The following WNT7A variants were observed in gnomAD, a reference collection of about 807,000 sequenced individuals.
WNT7A encodes the protein protein Wnt-7a.
A neutral mutation model predicts 28.2 loss-of-function variants in WNT7A; 16 were observed. That is an observed-to-expected ratio of 0.57 (90% confidence interval 0.38 to 0.86). The LOEUF is 0.86. Ranked by LOEUF, WNT7A falls within the 40% of genes least tolerant of loss-of-function variation. The probability of loss-of-function intolerance (pLI) is 0.00; values close to 1 mark genes in which losing one functional copy is unlikely to be tolerated. For synonymous variants in WNT7A, 190 were observed against 195.9 expected, an observed-to-expected ratio of 0.97 and a Z score of 0.25; for missense variants, 411 against 489.7, an observed-to-expected ratio of 0.84 and a Z score of 1.52.
At chr3:13,834,078 C>T (rs17038673) in intron 3 of WNT7A, among the ~76,000 whole-genome samples, 3,331 of 152,302 alleles carry the variant, frequency 0.022, 126 homozygotes, top group African/African-American at 0.076. Context: ...TGCTCCCGTT[C>T]CTGTGGTCAC....
intron 3 of WNT7A, among the ~76,000 whole-genome samples, chr3:13,838,591 G>A (rs190321457): frequency 1.3e-5 from 2 of 152,200 alleles, no homozygotes; most frequent in Admixed American, 6.5e-5. Flanking sequence ...GGCAGAGAAC[G>A]GGAGGTACCC....
At chr3:13,840,600 C>T (rs1224572121) in intron 3 of WNT7A, among the ~76,000 whole-genome samples, 5 of 145,490 alleles carry the variant, frequency 3.4e-5, no homozygotes, top group African/African-American at 7.7e-5. Context: ...ATTCATTCAT[C>T]CATCCATCCA....
chr3:13,841,214 C>T (rs1435997903), intron 3 of WNT7A, among the ~76,000 whole-genome samples: 2 of 152,208 alleles, frequency 1.3e-5, no homozygotes, highest in Non-Finnish European at 2.9e-5. Flanking sequence ...TTTTCCTTTT[C>T]CCTTATTTAC....
At chr3:13,863,126 G>C (rs1694856492) in intron 2 of WNT7A, among the ~76,000 whole-genome samples, 1 of 152,174 alleles carries the variant, frequency 6.6e-6, no homozygotes, top group Non-Finnish European at 1.5e-5. Flanking sequence ...GACAAGCTCA[G>C]CCCGCACTTG....
chr3:13,821,780 G>A (rs531283720), intron 3 of WNT7A, among the ~76,000 whole-genome samples: 1 of 152,330 alleles, frequency 6.6e-6, no homozygotes, highest in South Asian at 2.1e-4. Flanking sequence ...CCCAGGGCGG[G>A]GAGGGGCTGT....
chr3:13,840,521 T>C (rs534537124), intron 3 of WNT7A, among the ~76,000 whole-genome samples: 1 of 152,130 alleles, frequency 6.6e-6, no homozygotes, highest in East Asian at 1.9e-4. Context: ...ACTGGGAAAA[T>C]GTCCAACTTT....
chr3:13,858,021 G>C (rs1449574083), intron 2 of WNT7A, among the ~76,000 whole-genome samples: 1 of 152,234 alleles, frequency 6.6e-6, no homozygotes, highest in Non-Finnish European at 1.5e-5. Context: ...AGAGGGCTGA[G>C]AGGTAAGGAG....
chr3:13,851,851 G>A (rs780855051), intron 3 of WNT7A, among the ~76,000 whole-genome samples: 8 of 152,192 alleles, frequency 5.3e-5, no homozygotes, highest in South Asian at 2.1e-4. Flanking sequence ...CGACCTGAGC[G>A]GCCACTGATT....
intron 2 of WNT7A, among the ~76,000 whole-genome samples, chr3:13,872,753 C>A (rs572861034): frequency 4.1e-4 from 63 of 152,176 alleles, no homozygotes; most frequent in Non-Finnish European, 6.8e-4. Context: ...CTTGTCCAGG[C>A]ACTGCCCTGC....
In WNT7A at chr3:13,854,627, C is replaced by T. The variant is rs372712894; in HGVS notation, c.475G>A (p.Gly159Ser). ...ACAAAGACCTTGGCGAAGCCGATGCCGTAGCGGATGTCGGCAGAGCAGCCA... is the reference window on the plus strand; with the variant it reads ...ACAAAGACCTTGGCGAAGCCGATGCTGTAGCGGATGTCGGCAGAGCAGCCA... ...WGGCSADIRYGIGFAKVFVDA... is the reference protein window; with the variant it reads ...WGGCSADIRYSIGFAKVFVDA... The change falls in exon 3 of 4, where the codon GGC becomes AGC. Residue 159 changes from glycine to serine, a missense_variant. Transcript: ENST00000285018. 4.3e-6 allele frequency: 7 copies of T among 1,614,070 alleles called. No individual in the cohort carries two copies. The highest frequency in any genetic ancestry group is 1.1e-5 in the South Asian group (1 of 91,086).
At chr3:13,860,337 C>T (rs1383238466) in intron 2 of WNT7A, among the ~76,000 whole-genome samples, 2 of 152,172 alleles carry the variant, frequency 1.3e-5, no homozygotes, top group African/African-American at 2.4e-5. Context: ...CCTGGCCCAC[C>T]AGTGCATGGA....
intron 3 of WNT7A, among the ~76,000 whole-genome samples, chr3:13,839,517 A>G (rs771028458): frequency 6.6e-6 from 1 of 152,232 alleles, no homozygotes; most frequent in African/African-American, 2.4e-5. Flanking sequence ...GAAAAGGGCA[A>G]CTTTGCAAGG....
At chr3:13,877,778 A>G (rs1054442114) in intron 1 of WNT7A, among the ~76,000 whole-genome samples, 1 of 152,230 alleles carries the variant, frequency 6.6e-6, no homozygotes, top group East Asian at 1.9e-4. Context: ...TGAGTGCCCC[A>G]TAAATGTGGT....
At position 13,818,846 on chromosome 3, in the gene WNT7A, GAC is replaced by G. The variant is rs1403574570; in HGVS notation, c.*96_*97del. The G allele has an allele frequency of 3.4e-6, 5 of 1,466,954 alleles. No homozygotes were observed. Among genetic ancestry groups the G allele is most frequent in the Non-Finnish European group, 4.5e-6 (5 of 1,109,782 alleles). 90.9% of individuals were successfully genotyped at this position (1,466,954 alleles called of 1,614,324 possible). On this transcript the variant is annotated 3_prime_UTR_variant, in exon 4 of 4. Coordinates refer to ENST00000285018, the MANE Select transcript of WNT7A (RefSeq NM_004625.4). Reference sequence around the variant, plus strand: ...GAAAAGTACCCTCCTCAGCAGAAAAGACAAGCTCAGCATCCTGCCAGGGAGCC... The same window carrying G: ...GAAAAGTACCCTCCTCAGCAGAAAAGAAGCTCAGCATCCTGCCAGGGAGCC...
intron 3 of WNT7A, among the ~76,000 whole-genome samples, chr3:13,833,669 G>A (rs13081165): frequency 3.3e-5 from 5 of 152,214 alleles, no homozygotes; most frequent in African/African-American, 9.6e-5. Flanking sequence ...GCCTGTCCCA[G>A]AGTCTAGGTT....
chr3:13,853,835 G>A (rs1694681152), intron 3 of WNT7A, among the ~76,000 whole-genome samples: 1 of 152,196 alleles, frequency 6.6e-6, no homozygotes, highest in Non-Finnish European at 1.5e-5. Flanking sequence ...ATTGAGGCTG[G>A]GAGAGGGAAG....
intron 2 of WNT7A, among the ~76,000 whole-genome samples, chr3:13,869,121 G>C (rs1234631013): frequency 2.8e-5 from 4 of 143,554 alleles, no homozygotes; most frequent in Non-Finnish European, 3.0e-5. Flanking sequence ...AGAGAGGGAG[G>C]GAGGAATGAA....
intron 3 of WNT7A, among the ~76,000 whole-genome samples, chr3:13,839,195 A>C (rs1381284958): frequency 6.6e-6 from 1 of 152,238 alleles, no homozygotes; most frequent in African/African-American, 2.4e-5. Flanking sequence ...TTCCTGGACC[A>C]ACCAGCACCA....
At chr3:13,854,174 G>GAAGGAGGGAGGGAGGGAGAGAAAA (rs1694686631) in intron 3 of WNT7A, among the ~76,000 whole-genome samples, 2 of 151,996 alleles carry the variant, frequency 1.3e-5, no homozygotes, top group African/African-American at 4.8e-5. Context: ...GGGACGGAGG[G>GAAGGAGGGAGGGAGGGAGAGAAAA]AAGGAGGGAG....
Sources: allele counts gnomAD v4.1 joint callset (sites outside exome capture counted in the v4.1 genomes callset), GRCh38; gene constraint gnomAD v4.1.1; transcripts MANE v1.5; gene names NCBI Gene and HGNC (gene_info 2026-07-23, HGNC 2026-07-21).